The following ADCY5 variants were observed in gnomAD, a reference collection of about 807,000 sequenced individuals.
ADCY5 encodes the protein adenylate cyclase type 5.
A neutral mutation model predicts 119.7 loss-of-function variants in ADCY5; 30 were observed. The observed-to-expected ratio is 0.25, with a 90% CI of 0.19 to 0.34. The LOEUF (loss-of-function observed/expected upper bound fraction) is 0.34, where lower values mean the gene tolerates loss of function less well. ADCY5 is among the 10% of genes least tolerant of loss of function. The pLI is 1.00. For missense variants in ADCY5, 1,324 were observed against 1,775.2 expected, an observed-to-expected ratio of 0.75 and a Z score of 4.57; for synonymous variants, 753 against 762.2, an observed-to-expected ratio of 0.99 and a Z score of 0.20.
At chr3:123,392,698 A>G (rs1190738657) in intron 1 of ADCY5, among the ~76,000 whole-genome samples, 1 of 151,188 alleles carries the variant, frequency 6.6e-6, no homozygotes, top group Non-Finnish European at 1.5e-5. Context: ...CTCTTTCTCC[A>G]ACTTTCTGTC....
intron 1 of ADCY5, among the ~76,000 whole-genome samples, chr3:123,428,733 G>C (rs1185325856): frequency 6.6e-6 from 1 of 152,130 alleles, no homozygotes; most frequent in East Asian, 1.9e-4. Context: ...GCATCCCCAG[G>C]GCACATGCCT....
rs963740995 is a variant in ADCY5, at chr3:123,352,939, A to C, written c.1135-358T>G. 2.6e-5 allele frequency among the ~76,000 whole-genome samples: 4 copies of C among 152,180 alleles called. No homozygotes were observed. The highest frequency in any genetic ancestry group is 6.5e-5 in the Admixed American group (1 of 15,286). ...GGGCCACTGCAAGGAAGGTGCCACAAGGGTGCTGGGATTTCACTTTTGAAA... is the reference window on the plus strand; with the variant it reads ...GGGCCACTGCAAGGAAGGTGCCACACGGGTGCTGGGATTTCACTTTTGAAA... On this transcript the variant is annotated intron_variant, in intron 1 of 20. Transcript: ENST00000462833. The surrounding 1 kb of genome is among the most constrained non-coding windows in gnomAD (Gnocchi z 4.8).
chr3:123,412,197 G>A (rs1047308539), intron 1 of ADCY5, among the ~76,000 whole-genome samples: 1 of 152,200 alleles, frequency 6.6e-6, no homozygotes, highest in Non-Finnish European at 1.5e-5. Context: ...GCAGGAAAGA[G>A]GACACTTTGC....
chr3:123,434,194 A>G (rs1264616381), intron 1 of ADCY5, among the ~76,000 whole-genome samples: 1 of 152,238 alleles, frequency 6.6e-6, no homozygotes, highest in East Asian at 1.9e-4. Context: ...GAATTTGTAC[A>G]GCAGCTCCAA....
At chr3:123,327,876 C>A in intron 6 of ADCY5, 117 bp from the exon 7 acceptor site, 2 of 1,232,468 alleles carry the variant, frequency 1.6e-6, no homozygotes, top group Non-Finnish European at 1.1e-6. Context: ...CCCTAGGGCC[C>A]CAAGCTCTGC....
At chr3:123,343,998 C>T (rs1942403604) in intron 3 of ADCY5, among the ~76,000 whole-genome samples, 1 of 152,232 alleles carries the variant, frequency 6.6e-6, no homozygotes, top group Admixed American at 6.5e-5. Flanking sequence ...AAACATCCTA[C>T]AGGCTCCTTG....
chr3:123,366,349 CCA>C (rs2107519182), intron 1 of ADCY5, among the ~76,000 whole-genome samples: 1 of 152,320 alleles, frequency 6.6e-6, no homozygotes, highest in East Asian at 1.9e-4. Flanking sequence ...CACCTTAGGC[CCA>C]CAGAGTGATC....
chr3:123,445,777 T>C (rs1315972747), intron 1 of ADCY5, among the ~76,000 whole-genome samples: 1 of 152,194 alleles, frequency 6.6e-6, no homozygotes, highest in Non-Finnish European at 1.5e-5. Context: ...AAGCAGTTAT[T>C]AAATCCCTAC....
chr3:123,328,664 C>T lies in ADCY5; in HGVS notation c.1785G>A (p.Met595Ile). Residue 595 changes from methionine to isoleucine, a missense_variant, in exon 6 of 21, where the codon ATG becomes ATA. Around this residue, in one of 6 missense-constraint regions of ADCY5, gnomAD observed 424 missense variants for 546.8 expected, o/e 0.78. Coordinates refer to ENST00000462833, the MANE Select transcript of ADCY5 (RefSeq NM_183357.3). ...CTCACCCTGCCTTGCCGCCAGCCTC[C>T]ATGTGGTTGGCTAGCGTGACATCGT... ...WSNDVTLANH[M>I]EAGGKAGRIH... The T allele has an allele frequency of 3.7e-6, 6 of 1,614,176 alleles. No individual in the cohort carries two copies. Among genetic ancestry groups the T allele is most frequent in the Non-Finnish European group, 5.1e-6 (6 of 1,180,046 alleles).
At chr3:123,416,145 C>G (rs1233124705) in intron 1 of ADCY5, 3 of 1,535,176 alleles carry the variant, frequency 2.0e-6, no homozygotes, top group African/African-American at 2.7e-5. Context: ...CAGAAAGGGA[C>G]AGGTAGTGTG....
At chr3:123,325,498 A>T in intron 7 of ADCY5, 36 bp from the exon 8 acceptor site, 1 of 1,613,422 alleles carries the variant, frequency 6.2e-7, no homozygotes, top group Non-Finnish European at 8.5e-7. Context: ...GGAGATGAGG[A>T]GTCCAAGCGG....
At chr3:123,398,821 A>G (rs1005228455) in intron 1 of ADCY5, among the ~76,000 whole-genome samples, 7 of 152,184 alleles carry the variant, frequency 4.6e-5, no homozygotes, top group African/African-American at 1.4e-4. Flanking sequence ...GTCTGTCACT[A>G]TAACTATTTG....
At chr3:123,346,396 G>C (rs546483858) in intron 3 of ADCY5, among the ~76,000 whole-genome samples, 2 of 152,340 alleles carry the variant, frequency 1.3e-5, no homozygotes, top group South Asian at 2.1e-4. Flanking sequence ...GAAGCATGGG[G>C]GGTTGGGAGA....
At chr3:123,404,337 C>A (rs1944848331) in intron 1 of ADCY5, 2 of 152,276 alleles carry the variant, frequency 1.3e-5, no homozygotes, top group African/African-American at 4.8e-5. Context: ...GGACAAACAC[C>A]ACCCTTGCCA....
At chr3:123,284,874 G>GTGCT in intron 20 of ADCY5, 138 bp from the exon 21 acceptor site, 1 of 1,179,244 alleles carries the variant, frequency 8.5e-7, no homozygotes, top group East Asian at 2.4e-5. Context: ...CCCCACTGAG[G>GTGCT]TGCTCTCAGG....
chr3:123,289,388 G>A (rs891586245), intron 19 of ADCY5, among the ~76,000 whole-genome samples: 1 of 152,206 alleles, frequency 6.6e-6, no homozygotes, highest in Non-Finnish European at 1.5e-5. Context: ...CCACCAGAAG[G>A]CCCCATGCCC....
chr3:123,304,257 T>C, intron 12 of ADCY5, 74 bp from the exon 13 acceptor site: 1 of 1,013,300 alleles, frequency 9.9e-7, no homozygotes, highest in Non-Finnish European at 1.5e-6. Context: ...CCACAAATGG[T>C]CCCGGGAGTG....
Position 123,424,666 on chromosome 3 carries a change from G to A in ADCY5, c.1134+22746C>T, listed in dbSNP as rs907179941. 4.6e-5 allele frequency among the ~76,000 whole-genome samples: 7 copies of A among 152,134 alleles called. No homozygotes were observed. The East Asian group carries it at 7.7e-4, about 17-fold the overall frequency. On this transcript the variant is annotated intron_variant, in intron 1 of 20. Transcript: ENST00000462833. ...TCCTCCAGCCTTACCCAGAATGACCGTCCTCCTGATGGCTTCTCCTTCTCC... is the reference window on the plus strand; with the variant it reads ...TCCTCCAGCCTTACCCAGAATGACCATCCTCCTGATGGCTTCTCCTTCTCC...
At position 123,319,730 on chromosome 3, in the gene ADCY5, A is replaced by C; in HGVS notation, c.2200T>G (p.Ser734Ala). The C allele has an allele frequency of 1.2e-6, 2 of 1,614,222 alleles. No homozygotes were observed. The highest frequency in any genetic ancestry group is 1.7e-6 in the Non-Finnish European group (2 of 1,180,040). The part of the protein sequence containing the change: ...IDARSIDRLR[S>A]EHVRKFLLTF... ...AGGAGGAACTTGCGGACGTGCTCAGACCGAAGCCTATCAATGCTCCTGGCG... is the reference window on the plus strand; with the variant it reads ...AGGAGGAACTTGCGGACGTGCTCAGCCCGAAGCCTATCAATGCTCCTGGCG... Residue 734 changes from serine (S) to alanine (A), a missense_variant, in exon 10 of 21, where the codon TCT (serine) becomes GCT (alanine). Ser to Ala is a moderately conservative substitution (Grantham distance 99, BLOSUM62 1). Around this residue, in one of 6 missense-constraint regions of ADCY5, gnomAD observed 424 missense variants for 546.8 expected, o/e 0.78. Transcript: ENST00000462833.
Sources: gnomAD v4.1 joint callset for allele counts (sites outside exome capture counted in the v4.1 genomes callset) on GRCh38, gnomAD v4.1.1 for gene constraint, gnomAD v4.1.1 regional missense constraint, Gnocchi (gnomAD v3.1) non-coding constraint, MANE v1.5 for transcripts, NCBI Gene and HGNC (gene_info 2026-07-23, HGNC 2026-07-21) for gene names.